GRID1: variants seen among roughly 807,000 people sequenced by gnomAD.
GRID1 encodes glutamate ionotropic receptor delta type subunit 1.
GRID1 carries 28 observed loss-of-function variants against 98.0 expected under a neutral mutation model. The observed-to-expected ratio is 0.29, with a 90% CI of 0.21 to 0.39. The LOEUF (loss-of-function observed/expected upper bound fraction) is 0.39. Ranked by LOEUF, GRID1 falls within the 10% of genes least tolerant of loss-of-function variation. The pLI, the probability that GRID1 is intolerant of heterozygous loss-of-function variation, is 1.00. For synonymous variants in GRID1, 553 were observed against 538.5 expected, an observed-to-expected ratio of 1.03 and a Z score of -0.37; for missense variants, 1,111 against 1,340.5, an observed-to-expected ratio of 0.83 and a Z score of 2.67.
At chr10:86,037,079 G>A (rs2131896543) in intron 4 of GRID1, among the ~76,000 whole-genome samples, 1 of 152,266 alleles carries the variant, frequency 6.6e-6, no homozygotes, top group African/African-American at 2.4e-5. Context: ...GAGTTCTAAA[G>A]GTGCCCTTTT....
rs531299586 is a variant in GRID1, at chr10:86,251,685, A to C, written c.236-45037T>G. Among the ~76,000 whole-genome samples, 406 of 152,282 alleles carry C rather than the reference A, an allele frequency of 2.7e-3. 2 individuals are homozygous for C. The highest frequency in any genetic ancestry group is 8.5e-3 in the South Asian group (41 of 4,824). The stretch of plus-strand genomic sequence containing the variant: ...AAGTTGTCACACTTCAGAATCTGCC[A>C]ATCACTGCTGACAAGTGTCAGAGCC... On this transcript the variant is annotated intron_variant, in intron 2 of 15. Transcript: ENST00000327946.
Position 85,600,244 on chromosome 10 carries a change from A to T in GRID1, c.*2029T>A, listed in dbSNP as rs1842556051. The T allele has an allele frequency of 6.6e-6, 1 of 152,300 alleles. No individual in the cohort carries two copies. Among genetic ancestry groups the T allele is most frequent in the Admixed American group, 6.5e-5 (1 of 15,288 alleles). 9.4% of individuals were successfully genotyped at this position (152,300 alleles called of 1,614,324 possible). The stretch of plus-strand genomic sequence containing the variant: ...GTAGCCCACCTAGGCTTCTCTGAGC[A>T]TGCCTGGCTCCAAGGTCCACATGCT... On this transcript the variant is annotated 3_prime_UTR_variant, in exon 16 of 16. Coordinates refer to ENST00000327946, the MANE Select transcript of GRID1 (RefSeq NM_017551.3).
chr10:85,918,931 T>A (rs1027029048), intron 4 of GRID1, among the ~76,000 whole-genome samples: 5 of 152,188 alleles, frequency 3.3e-5, no homozygotes, highest in African/African-American at 1.2e-4. Flanking sequence ...CCGGCTGTGT[T>A]TAAGAACCTC....
intron 8 of GRID1, among the ~76,000 whole-genome samples, chr10:85,767,613 G>T (rs560740201): frequency 6.6e-6 from 1 of 152,300 alleles, no homozygotes; most frequent in Non-Finnish European, 1.5e-5. Context: ...AAGAGTCACT[G>T]GGTCAGGGAG....
intron 12 of GRID1, among the ~76,000 whole-genome samples, chr10:85,720,957 A>G (rs1841695022): frequency 6.6e-6 from 1 of 152,212 alleles, no homozygotes; most frequent in Non-Finnish European, 1.5e-5. Flanking sequence ...CTGACCGCAT[A>G]TCTGACAAAG....
At chr10:85,763,480 TATCTC>T (rs1842168536) in intron 8 of GRID1, among the ~76,000 whole-genome samples, 1 of 152,226 alleles carries the variant, frequency 6.6e-6, no homozygotes, top group South Asian at 2.1e-4. Context: ...TAATGCAACT[TATCTC>T]AGGAAATGTT....
At chr10:85,754,921 T>G (rs993763989) in intron 8 of GRID1, among the ~76,000 whole-genome samples, 1 of 152,218 alleles carries the variant, frequency 6.6e-6, no homozygotes, top group African/African-American at 2.4e-5. Context: ...GACTGGCATA[T>G]TGGAGGTACT....
intron 5 of GRID1, among the ~76,000 whole-genome samples, chr10:85,882,797 C>A (rs1841053387): frequency 6.6e-6 from 1 of 151,918 alleles, no homozygotes; most frequent in Non-Finnish European, 1.5e-5. Flanking sequence ...TTTAAAAAAT[C>A]ATTTTAACTG....
chr10:86,301,052 A>T (rs987923558), intron 2 of GRID1, among the ~76,000 whole-genome samples: 2 of 152,186 alleles, frequency 1.3e-5, no homozygotes, highest in African/African-American at 4.8e-5. Context: ...TTTAGGCCAA[A>T]ATGCACAGGC....
At chr10:85,707,069 A>T (rs1412396928) in intron 12 of GRID1, among the ~76,000 whole-genome samples, 1 of 152,238 alleles carries the variant, frequency 6.6e-6, no homozygotes, top group African/African-American at 2.4e-5. Flanking sequence ...CTTCATGTCT[A>T]AAACACCAAA....
At chr10:86,166,123 T>C (rs1845394973) in intron 3 of GRID1, among the ~76,000 whole-genome samples, 1 of 152,190 alleles carries the variant, frequency 6.6e-6, no homozygotes, top group South Asian at 2.1e-4. Flanking sequence ...TCTTTTTTTT[T>C]ATTATTATAC....
intron 4 of GRID1, among the ~76,000 whole-genome samples, chr10:85,995,954 A>G (rs1842734853): frequency 6.6e-6 from 1 of 152,240 alleles, no homozygotes; most frequent in Admixed American, 6.5e-5. Context: ...GATAAAAGAC[A>G]GATTACCATT....
chr10:85,644,555 T>C (rs546439389), intron 13 of GRID1, among the ~76,000 whole-genome samples: 4 of 152,354 alleles, frequency 2.6e-5, no homozygotes, highest in African/African-American at 9.6e-5. Flanking sequence ...TCCATTTCAT[T>C]GTAGACAACA....
intron 13 of GRID1, among the ~76,000 whole-genome samples, chr10:85,624,533 G>T (rs1842889529): frequency 6.6e-6 from 1 of 152,208 alleles, no homozygotes; most frequent in African/African-American, 2.4e-5. Context: ...TGGGACTCCA[G>T]CCCCCACGTT....
At chr10:86,107,970 T>C (rs1844417892) in intron 4 of GRID1, among the ~76,000 whole-genome samples, 3 of 152,128 alleles carry the variant, frequency 2.0e-5, no homozygotes, top group Admixed American at 6.5e-5. Flanking sequence ...ATTCTTCCAG[T>C]ACATGAAGGC....
At chr10:85,763,406 G>A (rs1842167943) in intron 8 of GRID1, among the ~76,000 whole-genome samples, 1 of 152,106 alleles carries the variant, frequency 6.6e-6, no homozygotes, top group African/African-American at 2.4e-5. Context: ...CAAAGCCCCT[G>A]GCACACTGAT....
At chr10:86,115,551 C>T (rs1844563913) in intron 4 of GRID1, among the ~76,000 whole-genome samples, 1 of 152,234 alleles carries the variant, frequency 6.6e-6, no homozygotes, top group African/African-American at 2.4e-5. Flanking sequence ...TAGGTAATCT[C>T]ATTACCCCCA....
At chr10:86,000,990 A>G (rs1272785822) in intron 4 of GRID1, among the ~76,000 whole-genome samples, 1 of 152,202 alleles carries the variant, frequency 6.6e-6, no homozygotes, top group East Asian at 1.9e-4. Flanking sequence ...ATGATACACC[A>G]ATGAAATACT....
At chr10:85,612,889 G>A (rs1842749496) in intron 15 of GRID1, 1 of 152,832 alleles carries the variant, frequency 6.5e-6, no homozygotes, top group South Asian at 2.1e-4. Context: ...CAGGCTGGGT[G>A]CACCCAGGAG....
Sources: gnomAD v4.1 joint callset for allele counts (sites outside exome capture counted in the v4.1 genomes callset) on GRCh38, gnomAD v4.1.1 for gene constraint, MANE v1.5 for transcripts, NCBI Gene and HGNC (gene_info 2026-07-23, HGNC 2026-07-21) for gene names.